The following PDZRN4 variants were observed in gnomAD, a reference collection of about 807,000 sequenced individuals.
PDZRN4 encodes PDZ domain containing ring finger 4.
Under a neutral mutation model 99.0 loss-of-function variants are expected in PDZRN4, and 70 were observed. The observed-to-expected ratio is 0.71, with a 90% CI of 0.58 to 0.86. The LOEUF is 0.86. Among genes scored for constraint, PDZRN4 ranks in the 40% least tolerant of loss-of-function variants. The pLI is 0.00. For synonymous variants in PDZRN4, 551 were observed against 501.6 expected, an observed-to-expected ratio of 1.10 and a Z score of -1.32; for missense variants, 1,474 against 1,331.2, an observed-to-expected ratio of 1.11 and a Z score of -1.67.
At chr12:41,462,433 T>C (rs151255620) in intron 3 of PDZRN4, among the ~76,000 whole-genome samples, 81 of 152,334 alleles carry the variant, frequency 5.3e-4, no homozygotes, top group African/African-American at 1.9e-3. Context: ...TTAAAAGTCA[T>C]TGATCATTAG....
intron 3 of PDZRN4, among the ~76,000 whole-genome samples, chr12:41,216,805 G>T (rs1341455933): frequency 2.0e-5 from 3 of 151,634 alleles, no homozygotes; most frequent in Admixed American, 6.6e-5. Context: ...AGGAAATATG[G>T]AATCATCAAA....
intron 3 of PDZRN4, among the ~76,000 whole-genome samples, chr12:41,203,208 T>C (rs1023531627): frequency 7.2e-5 from 11 of 151,966 alleles, no homozygotes; most frequent in Non-Finnish European, 1.3e-4. Flanking sequence ...GATAGTTGTA[T>C]ATTAATTAAA....
At chr12:41,442,482 G>T (rs965973536) in intron 3 of PDZRN4, among the ~76,000 whole-genome samples, 10 of 152,120 alleles carry the variant, frequency 6.6e-5, no homozygotes, top group African/African-American at 2.4e-4. Flanking sequence ...CCAGGTGCTT[G>T]TTTGTCCTTT....
chr12:41,508,556 C>T (rs992529522), intron 4 of PDZRN4, among the ~76,000 whole-genome samples: 1 of 152,064 alleles, frequency 6.6e-6, no homozygotes, highest in African/African-American at 2.4e-5. Flanking sequence ...TCTTACTATC[C>T]GAAAGACAAG....
At chr12:41,417,834 T>A (rs1176988612) in intron 3 of PDZRN4, among the ~76,000 whole-genome samples, 2 of 152,210 alleles carry the variant, frequency 1.3e-5, no homozygotes, top group African/African-American at 4.8e-5. Flanking sequence ...AGAATTGAAC[T>A]GTAAGGGAGA....
chr12:41,505,856 T>G (rs898017378), intron 3 of PDZRN4, among the ~76,000 whole-genome samples: 8 of 149,574 alleles, frequency 5.3e-5, no homozygotes, highest in Admixed American at 4.6e-4. Context: ...CAATTCTGAT[T>G]CAGTGGGTCC....
At chr12:41,394,733 T>A (rs1952233925) in intron 3 of PDZRN4, among the ~76,000 whole-genome samples, 1 of 152,056 alleles carries the variant, frequency 6.6e-6, no homozygotes, top group Non-Finnish European at 1.5e-5. Context: ...TCATAGATTT[T>A]CTGAGTGTAC....
intron 3 of PDZRN4, among the ~76,000 whole-genome samples, chr12:41,424,754 CAG>C (rs1952521328): frequency 1.3e-5 from 2 of 152,102 alleles, no homozygotes; most frequent in African/African-American, 2.4e-5. Context: ...GACTTTTCTC[CAG>C]ATAGTGAGTC....
chr12:41,440,057 T>C (rs1952665495), intron 3 of PDZRN4, among the ~76,000 whole-genome samples: 1 of 152,154 alleles, frequency 6.6e-6, no homozygotes, highest in South Asian at 2.1e-4. Context: ...GTGAACATGT[T>C]CTTAACCAGG....
chr12:41,561,656 G>T (rs1939272664), intron 7 of PDZRN4, among the ~76,000 whole-genome samples: 1 of 149,928 alleles, frequency 6.7e-6, no homozygotes, highest in Non-Finnish European at 1.5e-5. Context: ...AGGAATAAAA[G>T]AAGTGAGAAG....
At position 41,453,860 on chromosome 12, in the gene PDZRN4, C is replaced by T. The variant is rs555655697; in HGVS notation, c.844-52596C>T. Among the ~76,000 whole-genome samples, 15 of 137,772 alleles carry T rather than the reference C, an allele frequency of 1.1e-4. No individual in the cohort carries two copies. In the South Asian group the frequency reaches 2.4e-3, roughly 22 times the overall value. 90.4% of individuals were successfully genotyped at this position (137,772 alleles called of 152,430 possible). A position where few individuals can be genotyped will look rare whatever the true frequency, so the allele number is the denominator to read the frequency against. ...TTAAGTGCTTTAATTAGCAGGTTTACGAAACAGAGTTTCCTGTTTATAAGG... is the reference window on the plus strand; with the variant it reads ...TTAAGTGCTTTAATTAGCAGGTTTATGAAACAGAGTTTCCTGTTTATAAGG... On this transcript the variant is annotated intron_variant, in intron 3 of 9. Transcript: ENST00000402685.
At chr12:41,531,238 A>G (rs539939844) in intron 5 of PDZRN4, among the ~76,000 whole-genome samples, 177 of 152,184 alleles carry the variant, frequency 1.2e-3, no homozygotes, top group African/African-American at 4.1e-3. Flanking sequence ...GAGATGAGGG[A>G]GCCAGAAGGG....
At position 41,440,961 on chromosome 12, in the gene PDZRN4, A is replaced by G. The variant is rs11180920; in HGVS notation, c.844-65495A>G. Reference sequence around the variant, plus strand: ...AGAGAGCTACAATAGCTTGTTAGGTATTTCTGACCTAATAACAGATTTATT... The same window carrying G: ...AGAGAGCTACAATAGCTTGTTAGGTGTTTCTGACCTAATAACAGATTTATT... On this transcript the variant is annotated intron_variant, in intron 3 of 9. Transcript: ENST00000402685. 5.3e-3 allele frequency among the ~76,000 whole-genome samples: 809 copies of G among 152,262 alleles called. 11 individuals are homozygous for G. The highest frequency in any genetic ancestry group is 0.019 in the African/African-American group (772 of 41,552).
chr12:41,411,711 C>T (rs949473753), intron 3 of PDZRN4: 1 of 152,192 alleles, frequency 6.6e-6, no homozygotes, highest in Admixed American at 6.5e-5. Flanking sequence ...TAAAATACAT[C>T]AAAAGGCATT....
At chr12:41,448,630 C>A (rs1551595) in intron 3 of PDZRN4, among the ~76,000 whole-genome samples, 6 of 151,868 alleles carry the variant, frequency 4.0e-5, no homozygotes, top group Admixed American at 1.3e-4. Context: ...CTGCATTCAC[C>A]AAGGAAACAT....
intron 7 of PDZRN4, among the ~76,000 whole-genome samples, chr12:41,557,148 CAAAAAAAAAAAAA>C (rs112787721): frequency 3.4e-5 from 2 of 58,036 alleles, no homozygotes; most frequent in African/African-American, 8.8e-5. Context: ...GAGACACTCT[CAAAAAAAAAAAAA>C]AAAAAAAAAA....
At chr12:41,511,686 A>G (rs1009315211) in intron 5 of PDZRN4, among the ~76,000 whole-genome samples, 1 of 152,148 alleles carries the variant, frequency 6.6e-6, no homozygotes, top group Non-Finnish European at 1.5e-5. Flanking sequence ...TCAAGAGAGA[A>G]TAATGGTTCT....
intron 3 of PDZRN4, among the ~76,000 whole-genome samples, chr12:41,479,989 T>C (rs1937648622): frequency 6.6e-6 from 1 of 152,208 alleles, no homozygotes. Context: ...ACAAGATGGT[T>C]CATGTCTTGT....
chr12:41,196,384 T>C (rs1158270854), intron 3 of PDZRN4, among the ~76,000 whole-genome samples: 2 of 152,144 alleles, frequency 1.3e-5, no homozygotes, highest in African/African-American at 4.8e-5. Flanking sequence ...ACATTGATTT[T>C]ATGTATATAT....
Sources: gnomAD v4.1 joint callset for allele counts (sites outside exome capture counted in the v4.1 genomes callset) on GRCh38, gnomAD v4.1.1 for gene constraint, MANE v1.5 for transcripts, NCBI Gene and HGNC (gene_info 2026-07-23, HGNC 2026-07-21) for gene names.